GALNT18: variants seen among roughly 807,000 people sequenced by gnomAD.
The protein encoded by GALNT18 is polypeptide N-acetylgalactosaminyltransferase 18, also known as GalNAc-transferase 18.
In GALNT18, 44 loss-of-function variants were observed where a neutral mutation model predicts 69.5. That is an observed-to-expected ratio of 0.63 (90% CI 0.50 to 0.81). GALNT18 has a LOEUF of 0.81. Among genes scored for constraint, GALNT18 ranks in the 40% least tolerant of loss-of-function variants. The pLI is 0.00. For synonymous variants in GALNT18, 364 were observed against 318.2 expected, an observed-to-expected ratio of 1.14 and a Z score of -1.53; for missense variants, 715 against 810.0, an observed-to-expected ratio of 0.88 and a Z score of 1.42.
At chr11:11,443,697 C>T (rs1262035488) in intron 2 of GALNT18, among the ~76,000 whole-genome samples, 1 of 152,162 alleles carries the variant, frequency 6.6e-6, no homozygotes. Context: ...CTTCCCAGAC[C>T]AGGAAGGAAG....
At chr11:11,479,668 G>A (rs1248432026) in intron 1 of GALNT18, among the ~76,000 whole-genome samples, 1 of 152,152 alleles carries the variant, frequency 6.6e-6, no homozygotes, top group Non-Finnish European at 1.5e-5. Context: ...GTGGTTTACT[G>A]AGGGATGACA....
chr11:11,466,851 C>G (rs964964407), intron 1 of GALNT18, among the ~76,000 whole-genome samples: 22 of 152,142 alleles, frequency 1.4e-4, no homozygotes, highest in Non-Finnish European at 2.1e-4. Context: ...GCAGGGTGTT[C>G]CTGAGCTCTT....
chr11:11,493,267 CAAAAAAAAAAAAA>C (rs142149447), intron 1 of GALNT18, among the ~76,000 whole-genome samples: 3 of 71,340 alleles, frequency 4.2e-5, no homozygotes, highest in Middle Eastern at 7.5e-3. Context: ...TCCTTCATCT[CAAAAAAAAAAAAA>C]AAAAAAAAAA....
At position 11,463,223 on chromosome 11, in the gene GALNT18, CACAGAGAGAG is replaced by C. The variant is rs1289140230; in HGVS notation, c.236-14297_236-14288del. ...ACAGACAGACAGACACACACACACA[CACAGAGAGAG>C]AGAGAGAGAGTTCCAGAAGCCCGCA... On this transcript the variant is annotated intron_variant, in intron 1 of 10. Transcript: ENST00000227756. This position sits in a 1 kb window ranked among gnomAD's most constrained non-coding sequence, Gnocchi z 4.2. Among the ~76,000 whole-genome samples the C allele has an allele frequency of 1.3e-5, 2 of 151,006 alleles. No homozygotes were observed. The highest frequency in any genetic ancestry group is 3.0e-5 in the Non-Finnish European group (2 of 67,696).
At chr11:11,363,457 A>G (rs921271807) in intron 6 of GALNT18, among the ~76,000 whole-genome samples, 4 of 152,184 alleles carry the variant, frequency 2.6e-5, no homozygotes, top group African/African-American at 4.8e-5. Context: ...CATTTATCAT[A>G]TCATTGGTGG....
In GALNT18 at chr11:11,372,384, A is replaced by G. The variant is rs1423397530; in HGVS notation, c.1092+131T>C. ...CCTGTGTCTTCCCAATCCCAATCAC[A>G]CACAGGATTCAGGACTGGACATTCA... On this transcript the variant is annotated intron_variant, in intron 6 of 10. Coordinates refer to ENST00000227756, the MANE Select transcript of GALNT18 (RefSeq NM_198516.3). This position sits in a 1 kb window ranked among gnomAD's most constrained non-coding sequence, Gnocchi z 4.9. 1 of 698,836 alleles carries G rather than the reference A, an allele frequency of 1.4e-6. No individual in the cohort carries two copies. The highest frequency in any genetic ancestry group is 2.5e-6 in the Non-Finnish European group (1 of 405,528). 43.3% of individuals were successfully genotyped at this position (698,836 alleles called of 1,614,324 possible). A position where few individuals can be genotyped will look rare whatever the true frequency, so the allele number is the denominator to read the frequency against.
intron 1 of GALNT18, among the ~76,000 whole-genome samples, chr11:11,450,256 G>A (rs996714293): frequency 6.6e-6 from 1 of 152,190 alleles, no homozygotes. Context: ...GGAGTCAATG[G>A]GTGTATGACA....
chr11:11,455,498 G>A (rs963731177), intron 1 of GALNT18, among the ~76,000 whole-genome samples: 1 of 152,154 alleles, frequency 6.6e-6, no homozygotes, highest in Non-Finnish European at 1.5e-5. Flanking sequence ...TCACTCCAGG[G>A]AAGTACACCC....
intron 2 of GALNT18, among the ~76,000 whole-genome samples, chr11:11,433,026 C>T (rs574989816): frequency 1.3e-5 from 2 of 152,364 alleles, no homozygotes; most frequent in South Asian, 4.1e-4. Context: ...GCCAGCTGAA[C>T]AGTAATGCCA....
At chr11:11,326,041 CTTTTTTT>C (rs34393732) in intron 9 of GALNT18, among the ~76,000 whole-genome samples, 1 of 105,424 alleles carries the variant, frequency 9.5e-6, no homozygotes, top group Non-Finnish European at 1.9e-5. Flanking sequence ...TGCTAAATAT[CTTTTTTT>C]TTTTTTTTTT....
chr11:11,566,686 T>A (rs1858660516), intron 1 of GALNT18, among the ~76,000 whole-genome samples: 1 of 152,236 alleles, frequency 6.6e-6, no homozygotes, highest in Non-Finnish European at 1.5e-5. Context: ...GATATACAGA[T>A]GTTCCTTGCA....
chr11:11,392,360 C>T (rs1417804994), intron 3 of GALNT18, among the ~76,000 whole-genome samples: 1 of 152,222 alleles, frequency 6.6e-6, no homozygotes, highest in Admixed American at 6.5e-5. Flanking sequence ...ACCATTTAGC[C>T]TGTAATCCCA....
chr11:11,351,390 C>T (rs1372690946), intron 6 of GALNT18, among the ~76,000 whole-genome samples: 1 of 152,180 alleles, frequency 6.6e-6, no homozygotes, highest in Non-Finnish European at 1.5e-5. Flanking sequence ...AGACAGAAGC[C>T]CTGTGGCAAC....
At position 11,617,031 on chromosome 11, in the gene GALNT18, T is replaced by C. The variant is rs796712887; in HGVS notation, c.235+4328A>G. ...ACTGAGACTGCTTCATAAGCACCTTTAAGTTTCCAATGAATTTTAAAGAAA... is the reference window on the plus strand; with the variant it reads ...ACTGAGACTGCTTCATAAGCACCTTCAAGTTTCCAATGAATTTTAAAGAAA... On this transcript the variant is annotated intron_variant, in intron 1 of 10. Coordinates refer to ENST00000227756, the MANE Select transcript of GALNT18 (RefSeq NM_198516.3). This position sits in a 1 kb window ranked among gnomAD's most constrained non-coding sequence, Gnocchi z 4.7. 2.6e-5 allele frequency among the ~76,000 whole-genome samples: 4 copies of C among 152,328 alleles called. No homozygotes were observed. Among genetic ancestry groups the C allele is most frequent in the African/African-American group, 9.6e-5 (4 of 41,584 alleles).
At chr11:11,482,972 A>G (rs1417107797) in intron 1 of GALNT18, among the ~76,000 whole-genome samples, 1 of 152,216 alleles carries the variant, frequency 6.6e-6, no homozygotes, top group African/African-American at 2.4e-5. Context: ...CATAATCTGC[A>G]TTTGAACAAA....
rs891073102 is a variant in GALNT18, at chr11:11,564,169, A to G, written c.235+57190T>C. On this transcript the variant is annotated intron_variant, in intron 1 of 10. Transcript: ENST00000227756. The surrounding 1 kb of genome is among the most constrained non-coding windows in gnomAD (Gnocchi z 4.3). Reference sequence around the variant, plus strand: ...GGTAGAACAACTTTCCCAAGGCCAGAGAGTTTATAAGCTTCCACGCTAGAA... The same window carrying G: ...GGTAGAACAACTTTCCCAAGGCCAGGGAGTTTATAAGCTTCCACGCTAGAA... 2.0e-5 allele frequency among the ~76,000 whole-genome samples: 3 copies of G among 152,210 alleles called. No homozygotes were observed. The highest frequency in any genetic ancestry group is 2.9e-5 in the Non-Finnish European group (2 of 68,036).
At chr11:11,418,178 A>T (rs1854910079) in intron 3 of GALNT18, among the ~76,000 whole-genome samples, 1 of 152,204 alleles carries the variant, frequency 6.6e-6, no homozygotes, top group African/African-American at 2.4e-5. Flanking sequence ...CCTCAGAGTC[A>T]TTCACTGAGC....
chr11:11,465,538 C>G lies in GALNT18; in HGVS notation c.236-16602G>C, dbSNP rs1373584465. Among the ~76,000 whole-genome samples, 1 of 152,162 alleles carries G rather than the reference C, an allele frequency of 6.6e-6. No homozygotes were observed. The highest frequency in any genetic ancestry group is 2.4e-5 in the African/African-American group (1 of 41,430). ...AGCCAAAGCCACCTGGCCATGAGGTCAGGAAGCACAGCTTAGGAAGGGTCT... is the reference window on the plus strand; with the variant it reads ...AGCCAAAGCCACCTGGCCATGAGGTGAGGAAGCACAGCTTAGGAAGGGTCT... On this transcript the variant is annotated intron_variant, in intron 1 of 10. Coordinates refer to ENST00000227756, the MANE Select transcript of GALNT18 (RefSeq NM_198516.3). This position sits in a 1 kb window ranked among gnomAD's most constrained non-coding sequence, Gnocchi z 5.7.
At chr11:11,291,742 T>G (rs1246794590) in intron 10 of GALNT18, among the ~76,000 whole-genome samples, 2 of 152,206 alleles carry the variant, frequency 1.3e-5, no homozygotes, top group Non-Finnish European at 2.9e-5. Flanking sequence ...CACAAAGCCC[T>G]GGTTTAGGCT....
Sources: gnomAD v4.1 joint callset for allele counts (sites outside exome capture counted in the v4.1 genomes callset) on GRCh38, gnomAD v4.1.1 for gene constraint, Gnocchi (gnomAD v3.1) non-coding constraint, MANE v1.5 for transcripts, NCBI Gene and HGNC (gene_info 2026-07-23, HGNC 2026-07-21) for gene names.